The following WBP2NL variants were observed in gnomAD, a reference collection of about 807,000 sequenced individuals.
The protein encoded by WBP2NL is WBP2 N-terminal like, also known as postacrosomal sheath WW domain-binding protein.
WBP2NL carries 27 observed loss-of-function variants against 23.3 expected under a neutral mutation model. The ratio of observed to expected loss-of-function variants is 1.16; its 90% CI spans 0.85 to 1.60. WBP2NL has a LOEUF of 1.60. WBP2NL is among the 40% of genes most tolerant of loss of function. The probability of loss-of-function intolerance (pLI) is 0.00; values close to 1 mark genes in which losing one functional copy is unlikely to be tolerated. For synonymous variants in WBP2NL, 151 were observed against 145.9 expected, an observed-to-expected ratio of 1.03 and a Z score of -0.25; for missense variants, 370 against 389.5, an observed-to-expected ratio of 0.95 and a Z score of 0.42.
chr22:42,005,780 T>C (rs905200274), intron 1 of WBP2NL, among the ~76,000 whole-genome samples: 1 of 152,166 alleles, frequency 6.6e-6, no homozygotes, highest in African/African-American at 2.4e-5. Flanking sequence ...AATTTAAATA[T>C]GTGGGATCAA....
intron 3 of WBP2NL, 75 bp from the exon 4 acceptor site, chr22:42,019,929 C>T (rs1923725387): frequency 6.3e-7 from 1 of 1,593,034 alleles, no homozygotes; most frequent in Non-Finnish European, 8.6e-7. Context: ...TAGTGCTTCC[C>T]TTGGTGTTTG....
Position 42,027,136 on chromosome 22 carries a change from C to G in WBP2NL, c.885C>G (p.Asn295Lys). 6.2e-7 allele frequency: 1 copy of G among 1,614,010 alleles called. No individual in the cohort carries two copies. The highest frequency in any genetic ancestry group is 8.5e-7 in the Non-Finnish European group (1 of 1,179,960). The change falls in exon 6 of 6, where the codon AAC (asparagine) becomes AAG (lysine). Residue 295 changes from asparagine (N) to lysine (K), a missense_variant. Transcript: ENST00000328823. ...CTACAGCAGCCCAGGCTCCTGAAAA[C>G]GAGGCTTCTCTTCCCTCTGCCTCCT... ...QESTAAQAPE[N>K]EASLPSASSS...
intron 4 of WBP2NL, 151 bp downstream of exon 4, chr22:42,020,247 C>T: frequency 1.3e-6 from 1 of 741,680 alleles, no homozygotes; most frequent in Non-Finnish European, 2.1e-6. Flanking sequence ...ACCATGTTGC[C>T]CAGGCTGGTC....
intron 1 of WBP2NL, among the ~76,000 whole-genome samples, chr22:42,011,471 GGAAACTCCTGGCCTC>G: frequency 6.6e-6 from 1 of 151,892 alleles, no homozygotes; most frequent in African/African-American, 2.4e-5. Context: ...TAGGCTGGTC[GGAAACTCCTGGCCTC>G]GAGCAATCCT....
chr22:42,038,421 T>A (rs1925271143), intron 8 of WBP2NL, among the ~76,000 whole-genome samples: 1 of 152,244 alleles, frequency 6.6e-6, no homozygotes, highest in African/African-American at 2.4e-5. Context: ...ATCAGGGATA[T>A]TGCCTGGTAA....
chr22:42,056,528 G>T (rs1300322869), intron 8 of WBP2NL, among the ~76,000 whole-genome samples: 1 of 152,148 alleles, frequency 6.6e-6, no homozygotes, highest in Non-Finnish European at 1.5e-5. Context: ...TTGGCCTGAA[G>T]GATGTCCTTT....
chr22:42,023,021 A>G (rs1455946244), intron 5 of WBP2NL, among the ~76,000 whole-genome samples: 4 of 152,210 alleles, frequency 2.6e-5, no homozygotes, highest in Admixed American at 6.5e-5. Flanking sequence ...CAGAATCTAA[A>G]GTAATTGTTG....
chr22:42,015,222 A>C (rs1421291488), intron 1 of WBP2NL, among the ~76,000 whole-genome samples: 1 of 152,148 alleles, frequency 6.6e-6, no homozygotes, highest in Non-Finnish European at 1.5e-5. Flanking sequence ...CTGGAATCTC[A>C]GTTCTGTTAC....
chr22:42,001,905 A>G, intron 1 of WBP2NL: 1 of 1,460,862 alleles, frequency 6.8e-7, no homozygotes, highest in African/African-American at 1.4e-5. Context: ...CATCTTGGAG[A>G]TGGCTGCGGC....
intron 1 of WBP2NL, among the ~76,000 whole-genome samples, chr22:42,017,437 C>T (rs1036810726): frequency 2.6e-5 from 4 of 152,168 alleles, no homozygotes; most frequent in Non-Finnish European, 5.9e-5. Flanking sequence ...TTAATCAGCT[C>T]AAATTGCAGT....
intron 8 of WBP2NL, among the ~76,000 whole-genome samples, chr22:42,057,014 T>C (rs1370121409): frequency 2.0e-5 from 3 of 152,210 alleles, no homozygotes; most frequent in South Asian, 4.1e-4. Context: ...TTGATTATGA[T>C]ATGTCTAGGT....
At chr22:42,021,885 T>A (rs1199139611) in intron 4 of WBP2NL, among the ~76,000 whole-genome samples, 1 of 150,358 alleles carries the variant, frequency 6.7e-6, no homozygotes, top group Non-Finnish European at 1.5e-5. Flanking sequence ...CAGCCTCAAA[T>A]TTCCAGGCTC....
chr22:42,029,316 AAG>A (rs1924773589), downstream of WBP2NL, among the ~76,000 whole-genome samples: 1 of 151,400 alleles, frequency 6.6e-6, no homozygotes, highest in Non-Finnish European at 1.5e-5. Context: ...AAAAAAAAAA[AAG>A]CCAGGTGTTG....
intron 8 of WBP2NL, among the ~76,000 whole-genome samples, chr22:42,057,764 T>C (rs1409158058): frequency 6.7e-6 from 1 of 148,260 alleles, no homozygotes; most frequent in African/African-American, 2.5e-5. Flanking sequence ...AAACTGAACA[T>C]AGATTGGTTA....
chr22:42,001,982 A>C, intron 1 of WBP2NL: 2 of 1,110,462 alleles, frequency 1.8e-6, no homozygotes, highest in South Asian at 4.4e-5. Flanking sequence ...AAGAGGAGGC[A>C]GGCTGCTGTG....
chr22:42,020,868 G>GTGTATATA (rs1556297174), intron 4 of WBP2NL, among the ~76,000 whole-genome samples: 6 of 15,230 alleles, frequency 3.9e-4, no homozygotes, highest in Non-Finnish European at 6.1e-4. Context: ...GTGTGTGTGT[G>GTGTATATA]TATATATATA....
downstream of WBP2NL, among the ~76,000 whole-genome samples, chr22:42,035,025 C>T (rs1602474429): frequency 6.6e-6 from 1 of 152,092 alleles, no homozygotes. Flanking sequence ...TCTCAGCTGA[C>T]AGGATTAAGA....
intron 8 of WBP2NL, among the ~76,000 whole-genome samples, chr22:42,050,385 C>A (rs947851584): frequency 3.9e-5 from 6 of 152,068 alleles, no homozygotes; most frequent in African/African-American, 1.4e-4. Flanking sequence ...GTGGCTTATG[C>A]TTGTAATCCC....
At chr22:42,002,343 G>A (rs1569444799) in intron 1 of WBP2NL, among the ~76,000 whole-genome samples, 1 of 152,194 alleles carries the variant, frequency 6.6e-6, no homozygotes, top group African/African-American at 2.4e-5. Flanking sequence ...AGCACTTTGG[G>A]AGGCCAAGGC....
Sources: gnomAD v4.1 joint callset for allele counts (sites outside exome capture counted in the v4.1 genomes callset) on GRCh38, gnomAD v4.1.1 for gene constraint, MANE v1.5 for transcripts, NCBI Gene and HGNC (gene_info 2026-07-23, HGNC 2026-07-21) for gene names.